The following NDUFA8 variants were observed in gnomAD, a reference collection of about 807,000 sequenced individuals.
NDUFA8 encodes NADH:ubiquinone oxidoreductase subunit A8, also known as NADH dehydrogenase [ubiquinone] 1 alpha subcomplex subunit 8.
Under a neutral mutation model 20.9 loss-of-function variants are expected in NDUFA8, and 16 were observed. The observed-to-expected ratio is 0.77, with a 90% CI of 0.52 to 1.16. The LOEUF (loss-of-function observed/expected upper bound fraction) is 1.16. NDUFA8 is among the 50% of genes most tolerant of loss of function. The pLI, the probability that NDUFA8 is intolerant of heterozygous loss-of-function variation, is 0.00. For synonymous variants in NDUFA8, 70 were observed against 76.1 expected, an observed-to-expected ratio of 0.92 and a Z score of 0.41; for missense variants, 202 against 216.4, an observed-to-expected ratio of 0.93 and a Z score of 0.42.
At chr9:122,141,085 G>A (rs1241145533), downstream of NDUFA8, among the ~76,000 whole-genome samples, 1 of 152,174 alleles carries the variant, frequency 6.6e-6, no homozygotes, top group African/African-American at 2.4e-5. Context: ...CTACGGGGAA[G>A]GACTGTTTCC....
downstream of NDUFA8, among the ~76,000 whole-genome samples, chr9:122,142,272 G>T (rs1284361539): frequency 6.6e-6 from 1 of 152,182 alleles, no homozygotes; most frequent in African/African-American, 2.4e-5. Context: ...ATGTATCTGG[G>T]TTTAAATCTC....
At chr9:122,134,981 G>A in the NDUFA8 span, among the ~76,000 whole-genome samples, 1 of 152,212 alleles carries the variant, frequency 6.6e-6, no homozygotes, top group Admixed American at 6.5e-5. Flanking sequence ...CTGTGTCCAG[G>A]CTTGGAAGCT....
intron 2 of NDUFA8, among the ~76,000 whole-genome samples, chr9:122,151,849 C>A (rs1829004467): frequency 6.6e-6 from 1 of 152,206 alleles, no homozygotes; most frequent in South Asian, 2.1e-4. Context: ...ATACAGTTTT[C>A]TTTCCATCAT....
chr9:122,144,462 C>T, intron 3 of NDUFA8, 84 bp from the exon 4 acceptor site: 1 of 1,265,074 alleles, frequency 7.9e-7, no homozygotes, highest in Non-Finnish European at 1.2e-6. Flanking sequence ...CTGGTGTCTC[C>T]TCATTGCTCC....
downstream of NDUFA8, among the ~76,000 whole-genome samples, chr9:122,139,751 T>C (rs529834840): frequency 2.6e-5 from 4 of 152,316 alleles, no homozygotes. Context: ...TGGAGTGCGG[T>C]GGCATGATCT....
In NDUFA8 at chr9:122,144,384, A is replaced by T. The variant is rs776749264; in HGVS notation, c.382-6T>A. On this transcript the variant is annotated splice_region_variant and splice_polypyrimidine_tract_variant and intron_variant, in intron 3 of 3. Transcript: ENST00000373768. Reference sequence around the variant, plus strand: ...TCTGTTTTCACTTTGGTGACCTGGGAAGGGTGAAGAGGGCAAAAGCAAAGT... The same window carrying T: ...TCTGTTTTCACTTTGGTGACCTGGGTAGGGTGAAGAGGGCAAAAGCAAAGT... The T allele has an allele frequency of 1.2e-6, 2 of 1,614,110 alleles. No individual in the cohort carries two copies. Among genetic ancestry groups the T allele is most frequent in the South Asian group, 2.2e-5 (2 of 91,080 alleles).
chr9:122,148,032 A>G, intron 3 of NDUFA8, 80 bp downstream of exon 3: 1 of 1,535,004 alleles, frequency 6.5e-7, no homozygotes, highest in Non-Finnish European at 9.0e-7. Flanking sequence ...CTGTATTTAC[A>G]GAGACCCTTT....
chr9:122,154,075 G>A (rs1689033595), intron 1 of NDUFA8, among the ~76,000 whole-genome samples: 1 of 152,166 alleles, frequency 6.6e-6, no homozygotes, highest in Non-Finnish European at 1.5e-5. Flanking sequence ...AATTTTAAGA[G>A]CCCCTGAGTG....
downstream of NDUFA8, among the ~76,000 whole-genome samples, chr9:122,142,891 G>A (rs1172857783): frequency 2.6e-5 from 4 of 152,074 alleles, no homozygotes; most frequent in Admixed American, 2.0e-4. Context: ...CCACCAAAAC[G>A]TTAGTGGGTT....
intron 2 of NDUFA8, among the ~76,000 whole-genome samples, chr9:122,150,854 C>A (rs1828983974): frequency 1.3e-5 from 2 of 151,694 alleles, no homozygotes; most frequent in African/African-American, 4.8e-5. Context: ...GGCCTGTAGA[C>A]CCAGCTATTC....
At chr9:122,133,038 A>G in the NDUFA8 span, 1 of 456,026 alleles carries the variant, frequency 2.2e-6, no homozygotes, top group South Asian at 1.5e-5. Flanking sequence ...CCATGGTTCC[A>G]TCTAATCCTC....
Position 122,148,260 on chromosome 9 carries a change from C to A in NDUFA8, c.233G>T (p.Cys78Phe). 3 of 1,614,150 alleles carry A rather than the reference C, an allele frequency of 1.9e-6. No individual in the cohort carries two copies. Among genetic ancestry groups the A allele is most frequent in the Non-Finnish European group, 2.5e-6 (3 of 1,180,022 alleles). The change falls in exon 3 of 4, where the codon TGT becomes TTT. Residue 78 changes from cysteine (C) to phenylalanine (F), a missense_variant. Transcript: ENST00000373768. Reference protein sequence around the residue: ...LDFFRQIKRHCAEPFTEYWTC... With the variant: ...LDFFRQIKRHFAEPFTEYWTC... ...CCAATATTCTGTAAAAGGCTCTGCA[C>A]AGTGACGTTTTATCTGCCTGGAAAA...
downstream of NDUFA8, among the ~76,000 whole-genome samples, chr9:122,140,605 GA>G (rs1419031102): frequency 6.6e-6 from 1 of 152,204 alleles, no homozygotes; most frequent in Non-Finnish European, 1.5e-5. Context: ...CTAGGATATA[GA>G]AATAGAAATA....
chr9:122,144,999 C>T (rs1012184218), intron 3 of NDUFA8, among the ~76,000 whole-genome samples: 53 of 152,202 alleles, frequency 3.5e-4, no homozygotes, highest in African/African-American at 1.0e-3. Flanking sequence ...TCCATTTTCA[C>T]TCTTAGGAGG....
chr9:122,156,783 T>C (rs1455810989), intron 1 of NDUFA8, among the ~76,000 whole-genome samples: 2 of 152,254 alleles, frequency 1.3e-5, no homozygotes, highest in Non-Finnish European at 1.5e-5. Context: ...CTAAGTCTGA[T>C]CAATTCTAGA....
Position 122,144,347 on chromosome 9 carries a change from G to C in NDUFA8, c.413C>G (p.Pro138Arg), listed in dbSNP as rs755602829. The C allele has an allele frequency of 1.9e-6, 3 of 1,614,108 alleles. No homozygotes were observed. The Admixed American group carries it at 5.0e-5, about 27-fold the overall frequency. The change falls in exon 4 of 4, where the codon CCG becomes CGG. Residue 138 changes from proline to arginine, a missense_variant. By Grantham distance (103) the Pro-to-Arg change is moderately radical. Transcript: ENST00000373768. ...VTKVKTDRPL[P>R]ENPYHSRPRP... The stretch of plus-strand genomic sequence containing the variant: ...TGGTCTTGAGTGATAGGGATTCTCC[G>C]GTAAAGGTCGATCTGTTTTCACTTT...
intron 1 of NDUFA8, among the ~76,000 whole-genome samples, chr9:122,157,848 T>C (rs373429768): frequency 3.3e-4 from 50 of 152,316 alleles, no homozygotes; most frequent in Middle Eastern, 6.8e-3. Flanking sequence ...AAATGAAGCA[T>C]TGCAGGTAGA....
chr9:122,156,823 A>G (rs1829082711), intron 1 of NDUFA8, among the ~76,000 whole-genome samples: 1 of 152,242 alleles, frequency 6.6e-6, no homozygotes, highest in South Asian at 2.1e-4. Context: ...CTGTAAGCAC[A>G]GTCTCTGTAA....
At chr9:122,149,439 G>A (rs1828957329) in intron 2 of NDUFA8, among the ~76,000 whole-genome samples, 1 of 152,216 alleles carries the variant, frequency 6.6e-6, no homozygotes, top group African/African-American at 2.4e-5. Flanking sequence ...TGCAGCAGCA[G>A]CAGACGGGCT....
Sources: gnomAD v4.1 joint callset for allele counts (sites outside exome capture counted in the v4.1 genomes callset) on GRCh38, gnomAD v4.1.1 for gene constraint, MANE v1.5 for transcripts, NCBI Gene and HGNC (gene_info 2026-07-23, HGNC 2026-07-21) for gene names.